The following CLASP2 variants were observed in gnomAD, a reference collection of about 807,000 sequenced individuals.
CLASP2 encodes cytoplasmic linker associated protein 2, also known as CLIP-associating protein 2.
In CLASP2, 47 loss-of-function variants were observed where a neutral mutation model predicts 194.4. That is an observed-to-expected ratio of 0.24 (90% CI 0.19 to 0.31). CLASP2 has a LOEUF of 0.31. Among genes scored for constraint, CLASP2 ranks in the 10% least tolerant of loss-of-function variants. The pLI, the probability that CLASP2 is intolerant of heterozygous loss-of-function variation, is 1.00. For synonymous variants in CLASP2, 619 were observed against 633.5 expected (o/e 0.98, Z 0.34); for missense variants, 1,445 against 1,823.6 (o/e 0.79, Z 3.78).
intron 2 of CLASP2, among the ~76,000 whole-genome samples, chr3:33,691,768 G>A (rs1235441687): frequency 2.6e-5 from 4 of 152,194 alleles, no homozygotes; most frequent in Admixed American, 6.5e-5. Flanking sequence ...TTTAATCCTT[G>A]CAACAGTCCT....
chr3:33,589,980 T>A (rs1354436492), intron 21 of CLASP2, among the ~76,000 whole-genome samples: 2 of 152,166 alleles, frequency 1.3e-5, no homozygotes, highest in Non-Finnish European at 2.9e-5. Context: ...TTTCTCTGTT[T>A]ACTGAAGGCA....
At chr3:33,545,000 AT>A in intron 30 of CLASP2, 159 bp from the exon 31 acceptor site, 1 of 481,312 alleles carries the variant, frequency 2.1e-6, no homozygotes, top group Non-Finnish European at 3.4e-6. Context: ...TGCTGGAAGG[AT>A]AAAAAAAAAA....
At chr3:33,570,333 T>C (rs2063505333) in intron 26 of CLASP2, among the ~76,000 whole-genome samples, 2 of 152,192 alleles carry the variant, frequency 1.3e-5, no homozygotes, top group Non-Finnish European at 2.9e-5. Context: ...AAAATTATTA[T>C]TTCAAAATTG....
chr3:33,502,505 G>A (rs1027636872), intron 37 of CLASP2: 1 of 152,122 alleles, frequency 6.6e-6, no homozygotes, highest in African/African-American at 2.4e-5. Flanking sequence ...TAGTTACTGT[G>A]CTGTGTAATA....
At chr3:33,708,515 T>TAC (rs1559703222) in intron 1 of CLASP2, among the ~76,000 whole-genome samples, 2 of 116,876 alleles carry the variant, frequency 1.7e-5, no homozygotes, top group Non-Finnish European at 3.3e-5. Flanking sequence ...TGTATATATA[T>TAC]GTATATATGT....
intron 5 of CLASP2, among the ~76,000 whole-genome samples, chr3:33,685,805 G>C (rs2090586288): frequency 6.6e-6 from 1 of 151,864 alleles, no homozygotes; most frequent in African/African-American, 2.4e-5. Context: ...CAGCAGCTGG[G>C]GAGGGGGAGG....
chr3:33,688,251 T>G lies in CLASP2; in HGVS notation c.470+26A>C, dbSNP rs771604031. 11 of 1,494,552 alleles carry G rather than the reference T, an allele frequency of 7.4e-6. 1 individual carries two copies. In the South Asian group the frequency reaches 9.1e-5, roughly 12 times the overall value. The allele number at this position is 1,494,552 out of a possible 1,614,324, so 92.6% of individuals were successfully genotyped here. ...TTTAGAGAAATAAAAAACAAGACAG[T>G]TATTTTCAGTAATCATAAAACTTAC... On this transcript the variant is annotated intron_variant, in intron 4 of 38. Coordinates refer to ENST00000682230, the MANE Select transcript of CLASP2 (RefSeq NM_001365631.1).
At chr3:33,513,204 C>T (rs192027122) in intron 36 of CLASP2, among the ~76,000 whole-genome samples, 1 of 152,082 alleles carries the variant, frequency 6.6e-6, no homozygotes, top group African/African-American at 2.4e-5. Context: ...CATAGATGTA[C>T]CACTACCAAA....
intron 21 of CLASP2, among the ~76,000 whole-genome samples, chr3:33,588,497 C>T (rs888370173): frequency 5.9e-5 from 9 of 152,060 alleles, no homozygotes; most frequent in South Asian, 2.1e-4. Context: ...TTTATATCCA[C>T]GGTATTAACT....
rs746275758 is a variant in CLASP2, at chr3:33,608,624, C to T, written c.1391G>A (p.Arg464His). Residue 464 changes from arginine to histidine, a missense_variant and splice_region_variant, in exon 14 of 39, where the codon CGT becomes CAT. Around this residue, in one of 4 missense-constraint regions of CLASP2, gnomAD observed 207 missense variants for 331.4 expected, o/e 0.62. Coordinates refer to ENST00000682230, the MANE Select transcript of CLASP2 (RefSeq NM_001365631.1). ...CTSKSVPVRR[R>H]SFEFLDLLLQ... Reference sequence around the variant, plus strand: ...CAATAAATCTAAAAATTCAAATGAACGTCTGAAAAATAAAAGTTGAATGAT... The same window carrying T: ...CAATAAATCTAAAAATTCAAATGAATGTCTGAAAAATAAAAGTTGAATGAT... 5.3e-5 allele frequency: 85 copies of T among 1,603,852 alleles called. No homozygotes were observed. The highest frequency in any genetic ancestry group is 2.2e-5 in the Non-Finnish European group (26 of 1,173,840).
intron 12 of CLASP2, among the ~76,000 whole-genome samples, chr3:33,617,956 T>G (rs1412645124): frequency 6.8e-6 from 1 of 147,052 alleles, no homozygotes; most frequent in African/African-American, 2.5e-5. Flanking sequence ...TATATATTTT[T>G]TTTTTTTTTG....
chr3:33,616,903 A>C (rs2154273056), intron 12 of CLASP2, among the ~76,000 whole-genome samples: 1 of 151,670 alleles, frequency 6.6e-6, no homozygotes, highest in Admixed American at 6.6e-5. Context: ...ACGCCCAGCT[A>C]ATTTTTTTGT....
chr3:33,666,470 A>G (rs1237429202), intron 6 of CLASP2, among the ~76,000 whole-genome samples: 1 of 152,186 alleles, frequency 6.6e-6, no homozygotes, highest in Admixed American at 6.5e-5. Context: ...GAATCATACA[A>G]TATGTGGCCT....
chr3:33,498,844 G>T (rs2046158237), intron 38 of CLASP2, 127 bp from the exon 39 acceptor site: 5 of 444,866 alleles, frequency 1.1e-5, no homozygotes, highest in South Asian at 6.9e-5. Flanking sequence ...TTATTATAAT[G>T]CCCAAGTTAT....
intron 32 of CLASP2, among the ~76,000 whole-genome samples, chr3:33,539,459 C>T (rs113377531): frequency 0.072 from 10,918 of 151,982 alleles, 485 homozygotes; most frequent in Admixed American, 0.099. Context: ...CTCAGCCTCC[C>T]GAGTAGCTGG....
In CLASP2 at chr3:33,603,140, G is replaced by A; in HGVS notation, c.1751-15C>T. ...GCCTGCTGATACTACGAAATACAAA[G>A]CAAAGATAACTTATATCATTTAAAT... On this transcript the variant is annotated splice_polypyrimidine_tract_variant and intron_variant, in intron 17 of 38. Transcript: ENST00000682230. The A allele has an allele frequency of 1.3e-6, 2 of 1,542,178 alleles. No individual in the cohort carries two copies. Among genetic ancestry groups the A allele is most frequent in the Non-Finnish European group, 1.8e-6 (2 of 1,141,082 alleles).
intron 6 of CLASP2, among the ~76,000 whole-genome samples, chr3:33,669,462 A>G (rs540392743): frequency 6.6e-6 from 1 of 152,184 alleles, no homozygotes; most frequent in East Asian, 1.9e-4. Flanking sequence ...TATCACCAAG[A>G]AAGTACAAAA....
chr3:33,687,239 G>A (rs754289323), intron 4 of CLASP2, 104 bp from the exon 5 acceptor site: 16 of 673,352 alleles, frequency 2.4e-5, no homozygotes, highest in Non-Finnish European at 4.1e-5. Context: ...AAATATAGTG[G>A]ACAGGATGGG....
At chr3:33,557,958 C>T (rs1262542743) in intron 29 of CLASP2, among the ~76,000 whole-genome samples, 1 of 152,204 alleles carries the variant, frequency 6.6e-6, no homozygotes, top group Non-Finnish European at 1.5e-5. Flanking sequence ...TTCAGGTGGT[C>T]TCCCTCATGC....
Sources: allele counts gnomAD v4.1 joint callset (sites outside exome capture counted in the v4.1 genomes callset), GRCh38; gene constraint gnomAD v4.1.1; regional missense constraint gnomAD v4.1.1; transcripts MANE v1.5; gene names NCBI Gene and HGNC (gene_info 2026-07-23, HGNC 2026-07-21).